The following DDC variants were observed in gnomAD, a reference collection of about 807,000 sequenced individuals.
DDC encodes the protein dopa decarboxylase.
Under a neutral mutation model 60.0 loss-of-function variants are expected in DDC, and 43 were observed. That is an observed-to-expected ratio of 0.72 (90% CI 0.56 to 0.92). The LOEUF (loss-of-function observed/expected upper bound fraction) is 0.92, where lower values mean the gene tolerates loss of function less well. Ranked by LOEUF, DDC falls within the 40% of genes least tolerant of loss-of-function variation. DDC has a pLI of 0.00. For missense variants in DDC, 573 were observed against 620.2 expected (o/e 0.92, Z 0.81); for synonymous variants, 232 against 234.6 (o/e 0.99, Z 0.10).
Position 50,479,799 on chromosome 7 carries a change from G to A in DDC, c.1009C>T (p.His337Tyr), listed in dbSNP as rs751531676. The change falls in exon 10 of 15, where the codon CAT becomes TAT. Residue 337 changes from histidine (H) to tyrosine (Y), a missense_variant. Physicochemically the swap from His to Tyr is moderately conservative, Grantham distance 83. Coordinates refer to ENST00000444124, the MANE Select transcript of DDC (RefSeq NM_001082971.2). ...GCTCACAGCTTACCTGAATCCTGAT[G>A]GCTGTGCTTCAGGTAAGTGGGGTCC... ...RLDPTYLKHSHQDSGLITDYR... is the reference protein window; with the variant it reads ...RLDPTYLKHSYQDSGLITDYR... 6.2e-6 allele frequency: 10 copies of A among 1,613,344 alleles called. No individual in the cohort carries two copies. In the South Asian group the frequency reaches 1.1e-4, roughly 18 times the overall value.
rs932307101 is a variant in DDC, at chr7:50,467,254, C to G, written c.1202G>C (p.Cys401Ser). 8.1e-6 allele frequency: 13 copies of G among 1,614,194 alleles called. No individual in the cohort carries two copies. The highest frequency in any genetic ancestry group is 7.6e-6 in the Non-Finnish European group (9 of 1,180,012). ...LVRQDPRFEI[C>S]VEVILGLVCF... ...GACAAGCCCCAGAATGACTTCCACA[C>G]AGATTTCAAAGCGGGGATCCTGGCG... Residue 401 changes from cysteine (C) to serine (S), a missense_variant, in exon 13 of 15, where the codon TGT becomes TCT. Cys to Ser is a moderately radical substitution (Grantham distance 112). Transcript: ENST00000444124.
intron 12 of DDC, 80 bp downstream of exon 12, chr7:50,469,993 G>GA (rs1470888362): frequency 1.1e-5 from 9 of 798,856 alleles, no homozygotes; most frequent in Admixed American, 2.4e-5. Context: ...AAAAAAAAAA[G>GA]AAAAAAAATT....
At chr7:50,507,635 C>T (rs1003428104) in intron 6 of DDC, among the ~76,000 whole-genome samples, 7 of 152,200 alleles carry the variant, frequency 4.6e-5, no homozygotes, top group African/African-American at 1.7e-4. Flanking sequence ...GTTCACCAAA[C>T]AGTAATACTG....
At chr7:50,473,615 T>G (rs1025864346) in intron 11 of DDC, among the ~76,000 whole-genome samples, 2 of 152,190 alleles carry the variant, frequency 1.3e-5, no homozygotes, top group African/African-American at 4.8e-5. Flanking sequence ...GGTGGATGGA[T>G]GCCAGTGGGA....
chr7:50,491,790 A>T (rs2043002822), intron 9 of DDC, among the ~76,000 whole-genome samples: 1 of 152,120 alleles, frequency 6.6e-6, no homozygotes, highest in African/African-American at 2.4e-5. Context: ...CAACACGTGG[A>T]TTCAGTAATG....
intron 8 of DDC, among the ~76,000 whole-genome samples, chr7:50,496,095 C>CTTTTT (rs112532220): frequency 6.8e-6 from 1 of 146,766 alleles, no homozygotes; most frequent in Non-Finnish European, 1.5e-5. Flanking sequence ...GCTTCTCTCT[C>CTTTTT]TTTTTTTTTT....
At chr7:50,494,141 G>A (rs991516051) in intron 9 of DDC, among the ~76,000 whole-genome samples, 1 of 152,172 alleles carries the variant, frequency 6.6e-6, no homozygotes, top group East Asian at 1.9e-4. Context: ...TGTAGGTGGT[G>A]TAATATCACC....
chr7:50,550,295 T>C (rs755603756), intron 1 of DDC, among the ~76,000 whole-genome samples: 1 of 152,250 alleles, frequency 6.6e-6, no homozygotes, highest in Non-Finnish European at 1.5e-5. Flanking sequence ...TTTTTAGCAA[T>C]ACATTATTTT....
intron 6 of DDC, among the ~76,000 whole-genome samples, chr7:50,519,193 T>A (rs1477697079): frequency 2.0e-5 from 3 of 152,148 alleles, no homozygotes; most frequent in Non-Finnish European, 4.4e-5. Flanking sequence ...CACAATGCAA[T>A]ACCACCTTAC....
intron 8 of DDC, among the ~76,000 whole-genome samples, chr7:50,496,484 G>A (rs1380598158): frequency 1.1e-4 from 17 of 152,096 alleles, no homozygotes; most frequent in African/African-American, 4.1e-4. Flanking sequence ...ACCGGCTCTG[G>A]CTGCATGCAT....
intron 6 of DDC, 69 bp from the exon 7 acceptor site, chr7:50,504,128 C>A: frequency 2.7e-6 from 3 of 1,099,224 alleles, no homozygotes; most frequent in South Asian, 1.2e-5. Context: ...TCCACACAAG[C>A]AACTGCTGCC....
chr7:50,503,925 G>A, intron 7 of DDC, 68 bp downstream of exon 7: 1 of 1,097,236 alleles, frequency 9.1e-7, no homozygotes, highest in South Asian at 1.2e-5. Flanking sequence ...AGATCAACGA[G>A]GAAGGTTTGC....
intron 8 of DDC, among the ~76,000 whole-genome samples, chr7:50,495,807 A>G (rs570317352): frequency 5.3e-5 from 8 of 152,356 alleles, no homozygotes; most frequent in African/African-American, 1.9e-4. Context: ...TATATTTTAA[A>G]TTACTGGAAT....
At chr7:50,526,239 A>G (rs867813365) in intron 6 of DDC, among the ~76,000 whole-genome samples, 1 of 152,354 alleles carries the variant, frequency 6.6e-6, no homozygotes, top group Non-Finnish European at 1.5e-5. Context: ...CATTAAAATT[A>G]CAACTGACAT....
intron 4 of DDC, 151 bp from the exon 5 acceptor site, chr7:50,529,493 C>G: frequency 1.1e-6 from 1 of 935,358 alleles, no homozygotes; most frequent in East Asian, 2.6e-5. Context: ...TAGGAGAAAA[C>G]TAATATTTTT....
intron 4 of DDC, among the ~76,000 whole-genome samples, chr7:50,532,253 T>C (rs2044240678): frequency 6.6e-6 from 1 of 152,200 alleles, no homozygotes; most frequent in Admixed American, 6.5e-5. Flanking sequence ...ACAGATCCCA[T>C]TTCTTCCTTT....
At chr7:50,459,400 G>A (rs1270923696) in intron 14 of DDC, among the ~76,000 whole-genome samples, 1 of 152,170 alleles carries the variant, frequency 6.6e-6, no homozygotes, top group Non-Finnish European at 1.5e-5. Flanking sequence ...AGTGCGGAGC[G>A]TCTCTGCCTG....
chr7:50,503,264 C>G (rs1020798657), intron 7 of DDC, among the ~76,000 whole-genome samples: 1 of 152,236 alleles, frequency 6.6e-6, no homozygotes, highest in African/African-American at 2.4e-5. Flanking sequence ...AAAGGGGGAG[C>G]CCCCTGAGCC....
At chr7:50,489,031 G>C (rs572528037) in intron 9 of DDC, among the ~76,000 whole-genome samples, 1 of 152,228 alleles carries the variant, frequency 6.6e-6, no homozygotes, top group Admixed American at 6.5e-5. Context: ...TTTTGAGATG[G>C]AGTCTTGCTC....
Sources: allele counts gnomAD v4.1 joint callset (sites outside exome capture counted in the v4.1 genomes callset), GRCh38; gene constraint gnomAD v4.1.1; transcripts MANE v1.5; gene names NCBI Gene and HGNC (gene_info 2026-07-23, HGNC 2026-07-21).